Variants in FRMD4A observed in about 807,000 individuals in gnomAD.
The protein encoded by FRMD4A is FERM domain-containing protein 4A.
Under a neutral mutation model 129.1 loss-of-function variants are expected in FRMD4A, and 29 were observed. The ratio of observed to expected loss-of-function variants is 0.22; its 90% confidence interval spans 0.17 to 0.31. The LOEUF is 0.31. Ranked by LOEUF, FRMD4A falls within the 10% of genes least tolerant of loss-of-function variation. The pLI is 1.00. For missense variants in FRMD4A, 1,272 were observed against 1,375.8 expected, an observed-to-expected ratio of 0.92 and a Z score of 1.19; for synonymous variants, 634 against 571.6, an observed-to-expected ratio of 1.11 and a Z score of -1.56.
intron 2 of FRMD4A, among the ~76,000 whole-genome samples, chr10:14,042,910 G>T: frequency 9.0e-6 from 1 of 111,040 alleles, no homozygotes; most frequent in African/African-American, 3.5e-5. Flanking sequence ...GGGTGATAGA[G>T]CAAGACTCCA....
At chr10:13,804,676 T>C (rs930363190) in intron 4 of FRMD4A, among the ~76,000 whole-genome samples, 76 of 151,294 alleles carry the variant, frequency 5.0e-4, no homozygotes, top group African/African-American at 1.8e-3. Context: ...TCCCAACTAG[T>C]TGGGATTACA....
intron 8 of FRMD4A, among the ~76,000 whole-genome samples, 173 bp from the exon 9 acceptor site, chr10:13,747,992 G>A (rs1025333394): frequency 7.9e-5 from 12 of 152,144 alleles, no homozygotes; most frequent in Admixed American, 3.3e-4. Flanking sequence ...AGATGTAAAC[G>A]AAGGCAGAAC....
intron 2 of FRMD4A, among the ~76,000 whole-genome samples, chr10:14,079,930 G>A (rs1835829344): frequency 6.6e-6 from 1 of 152,166 alleles, no homozygotes; most frequent in Non-Finnish European, 1.5e-5. Flanking sequence ...TGGGGAGGGT[G>A]AGTCTATACA....
chr10:14,012,331 A>G (rs2095685197), intron 2 of FRMD4A, among the ~76,000 whole-genome samples: 1 of 152,160 alleles, frequency 6.6e-6, no homozygotes, highest in Non-Finnish European at 1.5e-5. Flanking sequence ...TGCTTTGAAC[A>G]TTTCCTTCCA....
chr10:13,686,897 C>A (rs2085135416), intron 15 of FRMD4A, among the ~76,000 whole-genome samples: 1 of 152,216 alleles, frequency 6.6e-6, no homozygotes, highest in Non-Finnish European at 1.5e-5. Flanking sequence ...CACGTCCCTG[C>A]AGCACACTGG....
intron 2 of FRMD4A, among the ~76,000 whole-genome samples, chr10:14,090,542 G>T (rs1836600425): frequency 6.6e-6 from 1 of 152,228 alleles, no homozygotes; most frequent in Admixed American, 6.5e-5. Context: ...GGAGCACGGG[G>T]TTGGGTTAGA....
chr10:13,791,059 G>A (rs999698104), intron 5 of FRMD4A, among the ~76,000 whole-genome samples: 5 of 152,316 alleles, frequency 3.3e-5, no homozygotes, highest in East Asian at 1.9e-4. Context: ...ATGCATTTGC[G>A]TGTGTGCAGT....
chr10:13,723,789 A>T (rs150528233), intron 12 of FRMD4A, among the ~76,000 whole-genome samples: 1 of 152,342 alleles, frequency 6.6e-6, no homozygotes, highest in Middle Eastern at 3.4e-3. Flanking sequence ...TTCTCCTTCA[A>T]CCTGGAAAGA....
At chr10:14,268,770 A>AAGCCAAT (rs1204541903) in intron 2 of FRMD4A, among the ~76,000 whole-genome samples, 2 of 152,234 alleles carry the variant, frequency 1.3e-5, no homozygotes, top group South Asian at 4.1e-4. Flanking sequence ...TTCCTGGGCT[A>AAGCCAAT]AGCCAATAGC....
At chr10:14,047,663 TAGACTGA>T (rs1257476462) in intron 2 of FRMD4A, among the ~76,000 whole-genome samples, 1 of 152,194 alleles carries the variant, frequency 6.6e-6, no homozygotes, top group Non-Finnish European at 1.5e-5. Context: ...AAACTGACTG[TAGACTGA>T]AAAGTGAAAC....
intron 2 of FRMD4A, among the ~76,000 whole-genome samples, chr10:14,209,089 G>A (rs961726939): frequency 4.6e-5 from 7 of 151,914 alleles, no homozygotes; most frequent in African/African-American, 7.3e-5. Context: ...GATTCCTCCC[G>A]GAATCCTTCC....
At position 13,684,766 on chromosome 10, in the gene FRMD4A, G is replaced by A. The variant is rs560060701; in HGVS notation, c.1117+9132C>T. The A allele has an allele frequency of 3.0e-6, 3 of 983,724 alleles. No homozygotes were observed. The African/African-American group carries it at 5.2e-5, about 17-fold the overall frequency. The allele number at this position is 983,724 out of a possible 1,614,324, so 60.9% of individuals were successfully genotyped here. A position where few individuals can be genotyped will look rare whatever the true frequency, so the allele number is the denominator to read the frequency against. Reference sequence around the variant, plus strand: ...ACAGAGAAGGGGTGCTTTCCTCTCTGGAAGGAGGGGAAACTTCAAAGCAAA... The same window carrying A: ...ACAGAGAAGGGGTGCTTTCCTCTCTAGAAGGAGGGGAAACTTCAAAGCAAA... On this transcript the variant is annotated intron_variant, in intron 15 of 24. Coordinates refer to ENST00000357447, the MANE Select transcript of FRMD4A (RefSeq NM_018027.5).
chr10:13,893,473 T>C (rs1564989593), intron 2 of FRMD4A, among the ~76,000 whole-genome samples: 1 of 152,232 alleles, frequency 6.6e-6, no homozygotes, highest in Non-Finnish European at 1.5e-5. Context: ...TGATTTGTTT[T>C]GACTGCAACA....
intron 2 of FRMD4A, among the ~76,000 whole-genome samples, chr10:13,912,292 G>A (rs181852906): frequency 9.9e-5 from 15 of 152,268 alleles, no homozygotes; most frequent in African/African-American, 3.1e-4. Flanking sequence ...GTGACATGGT[G>A]TAGCTACTTT....
At chr10:14,268,349 C>T (rs1365222431) in intron 2 of FRMD4A, among the ~76,000 whole-genome samples, 1 of 152,300 alleles carries the variant, frequency 6.6e-6, no homozygotes, top group Admixed American at 6.5e-5. Flanking sequence ...ACAATGCCCA[C>T]GACAGATCAT....
Position 14,223,746 on chromosome 10 carries a change from G to GA in FRMD4A, c.45+106311dup, listed in dbSNP as rs1160672002. Among the ~76,000 whole-genome samples, 439 of 63,204 alleles carry GA rather than the reference G, an allele frequency of 6.9e-3. 1 individual carries two copies. The highest frequency in any genetic ancestry group is 0.012 in the Middle Eastern group (1 of 82). The allele number at this position is 63,204 out of a possible 152,430, so 41.5% of individuals were successfully genotyped here. A position where few individuals can be genotyped will look rare whatever the true frequency, so the allele number is the denominator to read the frequency against. ...ACAGAGCAAGACCATGTCTCAAAAT[G>GA]AAAAAAAAAAAAAAAAAAGAGAGAG... On this transcript the variant is annotated intron_variant, in intron 2 of 24. Transcript: ENST00000357447.
At chr10:13,710,410 G>A (rs2087898147) in intron 12 of FRMD4A, 1 of 152,378 alleles carries the variant, frequency 6.6e-6, no homozygotes, top group South Asian at 2.1e-4. Context: ...GTCTGCCAAA[G>A]AGCCCGAACA....
At chr10:13,851,555 G>A (rs922882397) in intron 3 of FRMD4A, among the ~76,000 whole-genome samples, 1 of 152,014 alleles carries the variant, frequency 6.6e-6, no homozygotes, top group Non-Finnish European at 1.5e-5. Context: ...TCTCGCAGGA[G>A]TCCAAACCCT....
At chr10:14,299,524 G>C (rs1381022710) in intron 2 of FRMD4A, among the ~76,000 whole-genome samples, 1 of 152,206 alleles carries the variant, frequency 6.6e-6, no homozygotes, top group African/African-American at 2.4e-5. Context: ...CAGCTGAAAA[G>C]GTTGAGTAAT....
Sources: allele counts gnomAD v4.1 joint callset (sites outside exome capture counted in the v4.1 genomes callset), GRCh38; gene constraint gnomAD v4.1.1; transcripts MANE v1.5; gene names NCBI Gene and HGNC (gene_info 2026-07-23, HGNC 2026-07-21).